Variants in ZSWIM6 observed in about 807,000 individuals in gnomAD.
ZSWIM6 encodes zinc finger SWIM domain-containing protein 6.
Under a neutral mutation model 113.2 loss-of-function variants are expected in ZSWIM6, and 9 were observed. The ratio of observed to expected loss-of-function variants is 0.08; its 90% CI spans 0.05 to 0.14. The LOEUF is 0.14. Ranked by LOEUF, ZSWIM6 falls within the 10% of genes least tolerant of loss-of-function variation. ZSWIM6 has a pLI of 1.00. For missense variants in ZSWIM6, 1,162 were observed against 1,552.2 expected, an observed-to-expected ratio of 0.75 and a Z score of 4.22; for synonymous variants, 611 against 606.5, an observed-to-expected ratio of 1.01 and a Z score of -0.11.
At chr5:61,422,411 A>G (rs1175131364) in intron 1 of ZSWIM6, among the ~76,000 whole-genome samples, 3 of 152,150 alleles carry the variant, frequency 2.0e-5, no homozygotes, top group South Asian at 2.1e-4. Context: ...TCTCTGTTCT[A>G]TTCCACTTAC....
At chr5:61,439,177 A>G (rs1561237795) in intron 1 of ZSWIM6, among the ~76,000 whole-genome samples, 1 of 152,248 alleles carries the variant, frequency 6.6e-6, no homozygotes, top group African/African-American at 2.4e-5. Context: ...TTGGCTATAT[A>G]TAGGAAAAGG....
At chr5:61,437,743 A>ATCCAC (rs1369362863) in intron 1 of ZSWIM6, among the ~76,000 whole-genome samples, 1 of 151,354 alleles carries the variant, frequency 6.6e-6, no homozygotes, top group African/African-American at 2.4e-5. Flanking sequence ...AAAAAAAGAA[A>ATCCAC]TCCACTAGTT....
At chr5:61,339,696 G>A (rs915646391) in intron 1 of ZSWIM6, among the ~76,000 whole-genome samples, 2 of 152,062 alleles carry the variant, frequency 1.3e-5, no homozygotes, top group East Asian at 3.9e-4. Flanking sequence ...AACAAAGCGG[G>A]TTATAGGCAG....
intron 1 of ZSWIM6, among the ~76,000 whole-genome samples, chr5:61,342,842 A>G (rs1295725052): frequency 3.3e-5 from 5 of 151,364 alleles, no homozygotes; most frequent in African/African-American, 4.8e-5. Flanking sequence ...GTACATTTAC[A>G]TTGTTACGCA....
At chr5:61,425,836 A>T (rs1746453866) in intron 1 of ZSWIM6, among the ~76,000 whole-genome samples, 1 of 152,244 alleles carries the variant, frequency 6.6e-6, no homozygotes, top group South Asian at 2.1e-4. Context: ...GCCTGGTGGC[A>T]GCAGATAAAT....
chr5:61,532,422 G>A (rs544160898), intron 9 of ZSWIM6, among the ~76,000 whole-genome samples: 72 of 152,140 alleles, frequency 4.7e-4, no homozygotes, highest in Non-Finnish European at 6.8e-4. Flanking sequence ...GTGATCTTTC[G>A]TGCAAATTTA....
intron 1 of ZSWIM6, among the ~76,000 whole-genome samples, chr5:61,356,203 A>G (rs13188327): frequency 0.21 from 32,562 of 152,142 alleles, 3,672 homozygotes; most frequent in South Asian, 0.31. Context: ...GGTTCAAGTG[A>G]TCTTCCTGCC....
At chr5:61,344,095 A>T (rs866070004) in intron 1 of ZSWIM6, among the ~76,000 whole-genome samples, 2 of 152,058 alleles carry the variant, frequency 1.3e-5, no homozygotes, top group Non-Finnish European at 2.9e-5. Flanking sequence ...GGGTTTCACC[A>T]TGTTGGCCAG....
At chr5:61,438,029 G>T (rs1432469537) in intron 1 of ZSWIM6, among the ~76,000 whole-genome samples, 2 of 151,910 alleles carry the variant, frequency 1.3e-5, no homozygotes, top group African/African-American at 4.8e-5. Context: ...GAGTATGAAG[G>T]TTCATGAACA....
chr5:61,490,942 T>C lies in ZSWIM6; in HGVS notation c.1182+8T>C. On this transcript the variant is annotated splice_region_variant and intron_variant, in intron 3 of 13. Coordinates refer to ENST00000252744, the MANE Select transcript of ZSWIM6 (RefSeq NM_020928.2). ...AATTTGCTCTTTGCAAAGGTATGAT[T>C]GTCTATTTCTAAAGAAATATTCTAA... The C allele has an allele frequency of 6.6e-7, 1 of 1,518,966 alleles. No homozygotes were observed. The highest frequency in any genetic ancestry group is 8.8e-7 in the Non-Finnish European group (1 of 1,137,688). 94.1% of individuals were successfully genotyped at this position (1,518,966 alleles called of 1,614,324 possible). A position where few individuals can be genotyped will look rare whatever the true frequency, so the allele number is the denominator to read the frequency against.
intron 1 of ZSWIM6, chr5:61,391,489 T>G: frequency 7.6e-7 from 1 of 1,318,574 alleles, no homozygotes; most frequent in South Asian, 1.2e-5. Context: ...GGTAAAGGCC[T>G]TCTTCTTAGA....
In ZSWIM6 at chr5:61,472,973, G is replaced by A. The variant is rs1747609761; in HGVS notation, c.969G>A (p.Leu323=). 2 of 1,541,862 alleles carry A rather than the reference G, an allele frequency of 1.3e-6. No homozygotes were observed. Among genetic ancestry groups the A allele is most frequent in the Admixed American group, 2.0e-5 (1 of 49,774 alleles). The stretch of plus-strand genomic sequence containing the variant: ...TCACAGTGCACCACACAGAAGTTTT[G>A]CCAACTGCTCAAAAATTAGCAGATG... ...YLITVHHTEV[L]PTAQKLADEI... is the part of the protein sequence containing the mutation. The change falls in exon 2 of 14, where the codon TTG becomes TTA. Residue 323 remains leucine (L), a synonymous_variant. Transcript: ENST00000252744. This position sits in a 1 kb window ranked among gnomAD's most constrained non-coding sequence, Gnocchi z 4.1.
At chr5:61,400,876 A>C (rs1561223345) in intron 1 of ZSWIM6, among the ~76,000 whole-genome samples, 1 of 152,170 alleles carries the variant, frequency 6.6e-6, no homozygotes, top group Non-Finnish European at 1.5e-5. Context: ...CTGTCTTTAC[A>C]TTTGACTGGT....
chr5:61,484,784 G>T (rs1238739029), intron 2 of ZSWIM6, among the ~76,000 whole-genome samples: 1 of 152,112 alleles, frequency 6.6e-6, no homozygotes, highest in Non-Finnish European at 1.5e-5. Context: ...CTTTAGGGTT[G>T]ACAGCCCCTG....
chr5:61,418,188 C>A (rs866700214), intron 1 of ZSWIM6, among the ~76,000 whole-genome samples: 1 of 152,106 alleles, frequency 6.6e-6, no homozygotes, highest in Non-Finnish European at 1.5e-5. Flanking sequence ...ACTCATAAAA[C>A]CTATCCAGGG....
intron 1 of ZSWIM6, among the ~76,000 whole-genome samples, chr5:61,427,647 T>C (rs1746488543): frequency 6.6e-6 from 1 of 152,152 alleles, no homozygotes; most frequent in East Asian, 1.9e-4. Context: ...CCTCGTTAAT[T>C]TTTATTTTTT....
At chr5:61,389,902 G>A (rs1204391824) in intron 1 of ZSWIM6, among the ~76,000 whole-genome samples, 1 of 152,092 alleles carries the variant, frequency 6.6e-6, no homozygotes, top group Non-Finnish European at 1.5e-5. Context: ...TTTTGATCTG[G>A]GAATAAAAAA....
At chr5:61,366,456 A>G (rs1431333093) in intron 1 of ZSWIM6, among the ~76,000 whole-genome samples, 1 of 152,194 alleles carries the variant, frequency 6.6e-6, no homozygotes, top group Non-Finnish European at 1.5e-5. Flanking sequence ...TCAAACTCTA[A>G]AAAGACAAAA....
intron 1 of ZSWIM6, among the ~76,000 whole-genome samples, chr5:61,407,250 G>T (rs1391954714): frequency 6.6e-6 from 1 of 152,172 alleles, no homozygotes; most frequent in Non-Finnish European, 1.5e-5. Flanking sequence ...AGTGAGAAAA[G>T]ATAGGTTATT....
Sources: gnomAD v4.1 joint callset for allele counts (sites outside exome capture counted in the v4.1 genomes callset) on GRCh38, gnomAD v4.1.1 for gene constraint, Gnocchi (gnomAD v3.1) non-coding constraint, MANE v1.5 for transcripts, NCBI Gene and HGNC (gene_info 2026-07-23, HGNC 2026-07-21) for gene names.